SHISA9: variants seen among roughly 807,000 people sequenced by gnomAD.
The protein encoded by SHISA9 is protein shisa-9.
SHISA9 carries 13 observed loss-of-function variants against 38.0 expected under a neutral mutation model. The observed-to-expected ratio is 0.34, with a 90% CI of 0.22 to 0.54. SHISA9 has a LOEUF of 0.54. Ranked by LOEUF, SHISA9 falls within the 20% of genes least tolerant of loss-of-function variation. The pLI, the probability that SHISA9 is intolerant of heterozygous loss-of-function variation, is 0.91. For missense variants in SHISA9, 538 were observed against 575.8 expected, an observed-to-expected ratio of 0.93 and a Z score of 0.67; for synonymous variants, 275 against 242.0, an observed-to-expected ratio of 1.14 and a Z score of -1.27.
intron 2 of SHISA9, among the ~76,000 whole-genome samples, chr16:13,013,315 G>GGA (rs1358759387): frequency 6.6e-6 from 1 of 152,204 alleles, no homozygotes; most frequent in Non-Finnish European, 1.5e-5. Flanking sequence ...CCAGAGTCAA[G>GGA]GACGCCTATA....
At chr16:13,459,248 C>A in the SHISA9 span, among the ~76,000 whole-genome samples, 1 of 152,166 alleles carries the variant, frequency 6.6e-6, no homozygotes, top group African/African-American at 2.4e-5. Flanking sequence ...AAGTCACGTG[C>A]AGCCCTGGTG....
At chr16:13,155,880 A>G (rs183349034) in intron 2 of SHISA9, among the ~76,000 whole-genome samples, 8 of 152,106 alleles carry the variant, frequency 5.3e-5, no homozygotes, top group African/African-American at 1.7e-4. Flanking sequence ...CTCTCCCAGA[A>G]TGAGGGAATG....
At chr16:13,105,448 C>A (rs1158849862) in intron 2 of SHISA9, among the ~76,000 whole-genome samples, 1 of 152,178 alleles carries the variant, frequency 6.6e-6, no homozygotes, top group African/African-American at 2.4e-5. Context: ...TTCCCGGGCT[C>A]CTGGGCTTCT....
chr16:13,038,790 A>G (rs186796083), intron 2 of SHISA9, among the ~76,000 whole-genome samples: 166 of 152,308 alleles, frequency 1.1e-3, no homozygotes, highest in Non-Finnish European at 1.9e-3. Flanking sequence ...AAGACTACAT[A>G]TCATGTCAAT....
chr16:13,228,368 C>G (rs2051299402), intron 4 of SHISA9, among the ~76,000 whole-genome samples: 1 of 152,210 alleles, frequency 6.6e-6, no homozygotes, highest in African/African-American at 2.4e-5. Flanking sequence ...CGGATATGGA[C>G]AGACTTGAAT....
At chr16:13,416,302 A>G in the SHISA9 span, among the ~76,000 whole-genome samples, 13 of 152,214 alleles carry the variant, frequency 8.5e-5, no homozygotes, top group Admixed American at 8.5e-4. Context: ...TCAACATCAC[A>G]AAGTATACAC....
At chr16:13,322,084 T>G in the SHISA9 span, among the ~76,000 whole-genome samples, 1 of 152,270 alleles carries the variant, frequency 6.6e-6, no homozygotes, top group Non-Finnish European at 1.5e-5. Flanking sequence ...GCAACTATTC[T>G]CTTCTTTAAT....
At chr16:13,213,947 T>C (rs1041334709) in intron 4 of SHISA9, among the ~76,000 whole-genome samples, 1 of 152,210 alleles carries the variant, frequency 6.6e-6, no homozygotes, top group Admixed American at 6.5e-5. Flanking sequence ...GTAGGCATTG[T>C]CATCTGCATT....
the SHISA9 span, among the ~76,000 whole-genome samples, chr16:13,272,443 G>C: frequency 6.6e-6 from 1 of 151,630 alleles, no homozygotes; most frequent in African/African-American, 2.4e-5. Flanking sequence ...ACCCAGGCTG[G>C]TCTTGAACTC....
chr16:13,435,381 A>C, the SHISA9 span, among the ~76,000 whole-genome samples: 4 of 152,252 alleles, frequency 2.6e-5, no homozygotes, highest in Admixed American at 6.5e-5. Flanking sequence ...AAAGTTAAAT[A>C]AAACATCAGG....
intron 2 of SHISA9, among the ~76,000 whole-genome samples, chr16:13,036,365 A>G (rs974431899): frequency 1.6e-4 from 24 of 152,264 alleles, no homozygotes; most frequent in African/African-American, 5.8e-4. Context: ...GGAAGAAGGC[A>G]GATATAAAAT....
At chr16:13,204,879 C>G (rs2051048551) in intron 3 of SHISA9, 2 of 152,266 alleles carry the variant, frequency 1.3e-5, no homozygotes, top group Admixed American at 1.3e-4. Context: ...ACTGCTTCCA[C>G]CACTGTCCTG....
At chr16:13,480,269 T>C in the SHISA9 span, among the ~76,000 whole-genome samples, 1 of 152,284 alleles carries the variant, frequency 6.6e-6, no homozygotes, top group Non-Finnish European at 1.5e-5. Flanking sequence ...GAGGCCAAGT[T>C]CTGGGGCATG....
At chr16:13,209,345 A>G (rs1188444857) in intron 3 of SHISA9, among the ~76,000 whole-genome samples, 1 of 152,198 alleles carries the variant, frequency 6.6e-6, no homozygotes, top group Non-Finnish European at 1.5e-5. Flanking sequence ...TGGGAAAGAC[A>G]TACATGAAAG....
the SHISA9 span, among the ~76,000 whole-genome samples, chr16:13,326,325 T>G: frequency 6.6e-6 from 1 of 152,188 alleles, no homozygotes; most frequent in East Asian, 1.9e-4. Flanking sequence ...TACAGATAAG[T>G]TGACACGTAA....
chr16:12,910,370 G>A (rs4781351), intron 1 of SHISA9: 449,018 of 620,318 alleles, frequency 0.72, 164,034 homozygotes, highest in East Asian at 0.78. Context: ...GCCCAACACT[G>A]TGCTGAGAGA....
chr16:13,254,792 A>C, the SHISA9 span, among the ~76,000 whole-genome samples: 1 of 152,208 alleles, frequency 6.6e-6, no homozygotes, highest in African/African-American at 2.4e-5. Flanking sequence ...ACTGGACTTC[A>C]ACAAATGAAG....
At chr16:13,031,354 C>A (rs1271407880) in intron 2 of SHISA9, among the ~76,000 whole-genome samples, 1 of 152,160 alleles carries the variant, frequency 6.6e-6, no homozygotes, top group Non-Finnish European at 1.5e-5. Context: ...GTGTATTCAG[C>A]CATTGCACCC....
intron 2 of SHISA9, among the ~76,000 whole-genome samples, chr16:13,083,745 A>C (rs991931652): frequency 1.3e-5 from 2 of 152,154 alleles, no homozygotes; most frequent in African/African-American, 4.8e-5. Context: ...TGGGGAAAGA[A>C]ACCTTATTGG....
Sources: allele counts gnomAD v4.1 joint callset (sites outside exome capture counted in the v4.1 genomes callset), GRCh38; gene constraint gnomAD v4.1.1; transcripts MANE v1.5; gene names NCBI Gene and HGNC (gene_info 2026-07-23, HGNC 2026-07-21).